SBSPON: variants seen among roughly 807,000 people sequenced by gnomAD.
The protein encoded by SBSPON is somatomedin B and thrombospondin type 1 domain containing.
A neutral mutation model predicts 35.8 loss-of-function variants in SBSPON; 30 were observed. The observed-to-expected ratio is 0.84, with a 90% CI of 0.63 to 1.14. SBSPON has a LOEUF of 1.14. Among genes scored for constraint, SBSPON ranks in the 50% most tolerant of loss-of-function variants. SBSPON has a pLI of 0.00. For synonymous variants in SBSPON, 136 were observed against 135.9 expected, an observed-to-expected ratio of 1.00 and a Z score of 0.00; for missense variants, 364 against 357.7, an observed-to-expected ratio of 1.02 and a Z score of -0.14.
Position 73,064,970 on chromosome 8 carries a change from G to A in SBSPON, c.*2371C>T, listed in dbSNP as rs1309759947. ...ACTAAGGTACTTATTAAAAAAGAGT[G>A]CCAAGAGGTCTTATATACTTTGATT... On this transcript the variant is annotated 3_prime_UTR_variant, in exon 5 of 5. Transcript: ENST00000297354. The A allele has an allele frequency of 6.6e-6, 1 of 152,130 alleles. No homozygotes were observed. Among genetic ancestry groups the A allele is most frequent in the Non-Finnish European group, 1.5e-5 (1 of 68,014 alleles). The allele number at this position is 152,130 out of a possible 1,614,324, so 9.4% of individuals were successfully genotyped here.
At chr8:73,070,847 AAT>A (rs1418311643) in intron 3 of SBSPON, among the ~76,000 whole-genome samples, 2 of 152,212 alleles carry the variant, frequency 1.3e-5, no homozygotes, top group Non-Finnish European at 2.9e-5. Context: ...TATGAGTTGC[AAT>A]ATGTTATAAA....
Position 73,081,056 on chromosome 8 carries a change from G to C in SBSPON, c.372C>G (p.Tyr124Ter). 3 of 1,611,498 alleles carry C rather than the reference G, an allele frequency of 1.9e-6. No individual in the cohort carries two copies. Among genetic ancestry groups the C allele is most frequent in the Non-Finnish European group, 2.5e-6 (3 of 1,178,748 alleles). ...CGCAGTCCTGGCCCTGCGGGGTGGA[G>C]TACTCCAGGCAGCCAGCTCTCTCTT... ...PLEERAGCLE[Y>*]STPQGQDCGH... is the part of the protein sequence containing the mutation. Residue 124 changes from tyrosine (Y) to a stop codon, truncating the protein, a stop_gained, in exon 2 of 5, where the codon TAC becomes TAG. Transcript: ENST00000297354. LOFTEE classifies it high-confidence loss of function.
At chr8:73,075,461 C>T (rs1038089467) in intron 2 of SBSPON, among the ~76,000 whole-genome samples, 6 of 152,214 alleles carry the variant, frequency 3.9e-5, no homozygotes, top group Admixed American at 2.0e-4. Context: ...TGCGGAAGCA[C>T]GTAACCCAGC....
At chr8:73,080,943 T>C (rs2130019294) in intron 2 of SBSPON, 76 bp downstream of exon 2, 1 of 1,336,146 alleles carries the variant, frequency 7.5e-7, no homozygotes, top group East Asian at 2.4e-5. Context: ...CTGCACAGCA[T>C]ATGGCCTTTT....
intron 2 of SBSPON, among the ~76,000 whole-genome samples, chr8:73,076,752 G>T (rs902448247): frequency 1.3e-5 from 2 of 151,856 alleles, no homozygotes; most frequent in African/African-American, 4.8e-5. Context: ...GAAAGGATGT[G>T]GGCAGCCTCT....
chr8:73,079,833 C>G (rs1291614767), intron 2 of SBSPON, among the ~76,000 whole-genome samples: 1 of 152,194 alleles, frequency 6.6e-6, no homozygotes, highest in Admixed American at 6.5e-5. Flanking sequence ...TCCACATCAA[C>G]TTTTCTCCAC....
Position 73,067,478 on chromosome 8 carries a change from G to GTGTT in SBSPON, c.678-24_678-21dup, listed in dbSNP as rs200483328. 162 of 1,432,582 alleles carry GTGTT rather than the reference G, an allele frequency of 1.1e-4. 2 individuals are homozygous for GTGTT. In the East Asian group the frequency reaches 3.7e-3, roughly 33 times the overall value. 88.7% of individuals were successfully genotyped at this position (1,432,582 alleles called of 1,614,324 possible). On this transcript the variant is annotated intron_variant, in intron 4 of 4. Transcript: ENST00000297354. ...TGATTTCTGAAACGATATTTCGAAAGTGTTAGTTACACTAAAAGCATACCG... is the reference window on the plus strand; with the variant it reads ...TGATTTCTGAAACGATATTTCGAAAGTGTTTGTTAGTTACACTAAAAGCATACCG...
At chr8:73,087,418 G>A (rs2130038644) in intron 1 of SBSPON, among the ~76,000 whole-genome samples, 1 of 152,326 alleles carries the variant, frequency 6.6e-6, no homozygotes, top group South Asian at 2.1e-4. Context: ...TGGAGGAAAT[G>A]TGAAGTGTTA....
In SBSPON at chr8:73,064,976, A is replaced by C. The variant is rs1017911673; in HGVS notation, c.*2365T>G. On this transcript the variant is annotated 3_prime_UTR_variant, in exon 5 of 5. Transcript: ENST00000297354. ...GTACTTATTAAAAAAGAGTGCCAAGAGGTCTTATATACTTTGATTTTTAAA... is the reference window on the plus strand; with the variant it reads ...GTACTTATTAAAAAAGAGTGCCAAGCGGTCTTATATACTTTGATTTTTAAA... The C allele has an allele frequency of 1.3e-5, 2 of 152,192 alleles. No individual in the cohort carries two copies. Among genetic ancestry groups the C allele is most frequent in the African/African-American group, 4.8e-5 (2 of 41,444 alleles). The allele number at this position is 152,192 out of a possible 1,614,324, so 9.4% of individuals were successfully genotyped here.
At chr8:73,092,199 G>A (rs1810948276) in intron 1 of SBSPON, among the ~76,000 whole-genome samples, 1 of 152,140 alleles carries the variant, frequency 6.6e-6, no homozygotes, top group Non-Finnish European at 1.5e-5. Context: ...ACATAATAGG[G>A]ACCTCGAGAT....
In SBSPON at chr8:73,064,827, T is replaced by A. The variant is rs1460213821; in HGVS notation, c.*2514A>T. 1 of 152,182 alleles carries A rather than the reference T, an allele frequency of 6.6e-6. No homozygotes were observed. Among genetic ancestry groups the A allele is most frequent in the Non-Finnish European group, 1.5e-5 (1 of 68,036 alleles). 9.4% of individuals were successfully genotyped at this position (152,182 alleles called of 1,614,324 possible). A position where few individuals can be genotyped will look rare whatever the true frequency, so the allele number is the denominator to read the frequency against. ...CCCTTGCTTCTTTTCCCTTCTTTCC[T>A]GGTGGCTGTATTTATTTTTGTTCGA... On this transcript the variant is annotated 3_prime_UTR_variant, in exon 5 of 5. Transcript: ENST00000297354.
rs1829338010 is a variant in SBSPON, at chr8:73,066,194, A to G, written c.*1147T>C. ...CTAAACTAAATATCTTGAATTTAAA[A>G]TTTACTTCACAAATGAAAGGGGCTT... is the stretch of plus-strand genomic sequence containing the variant. On this transcript the variant is annotated 3_prime_UTR_variant, in exon 5 of 5. Transcript: ENST00000297354. The G allele has an allele frequency of 1.3e-5, 2 of 152,180 alleles. No homozygotes were observed. The highest frequency in any genetic ancestry group is 1.3e-4 in the Admixed American group (2 of 15,274). The allele number at this position is 152,180 out of a possible 1,614,324, so 9.4% of individuals were successfully genotyped here. A position where few individuals can be genotyped will look rare whatever the true frequency, so the allele number is the denominator to read the frequency against.
At chr8:73,080,050 A>T (rs935897751) in intron 2 of SBSPON, among the ~76,000 whole-genome samples, 1 of 152,168 alleles carries the variant, frequency 6.6e-6, no homozygotes, top group Admixed American at 6.5e-5. Context: ...GCAGATCAAC[A>T]CATCAGCTTT....
rs1027144373 is a variant in SBSPON, at chr8:73,066,161, T to C, written c.*1180A>G. The C allele has an allele frequency of 2.0e-5, 3 of 152,180 alleles. No homozygotes were observed. The highest frequency in any genetic ancestry group is 4.8e-5 in the African/African-American group (2 of 41,448). The allele number at this position is 152,180 out of a possible 1,614,324, so 9.4% of individuals were successfully genotyped here. A position where few individuals can be genotyped will look rare whatever the true frequency, so the allele number is the denominator to read the frequency against. On this transcript the variant is annotated 3_prime_UTR_variant, in exon 5 of 5. Coordinates refer to ENST00000297354, the MANE Select transcript of SBSPON (RefSeq NM_153225.4). ...TCTCATGTAGTTTACATCTCAAGAC[T>C]CAATTCTCTAAACTAAATATCTTGA...
rs368699776 is a variant in SBSPON at position 73,069,882 on chromosome 8, C to T, written c.600G>A (p.Thr200=). The T allele has an allele frequency of 1.5e-5, 24 of 1,613,434 alleles. No homozygotes were observed. Among genetic ancestry groups the T allele is most frequent in the Non-Finnish European group, 1.9e-5 (22 of 1,179,488 alleles). Residue 200 remains threonine, a synonymous_variant, in exon 4 of 5, where the codon ACG becomes ACA. Transcript: ENST00000297354. ...CTGGAGGCTGACAATCCACACACAC[C>T]GTGTATCCCTCTCGGAGATACTGCA... The part of the protein sequence containing the change: ...RWMQYLREGY[T]VCVDCQPPAM...
intron 4 of SBSPON, among the ~76,000 whole-genome samples, chr8:73,067,793 C>T (rs982807753): frequency 1.4e-4 from 20 of 147,364 alleles, no homozygotes; most frequent in African/African-American, 3.0e-4. Context: ...CCTCCTGCCT[C>T]GGCCTCCTGG....
chr8:73,069,380 A>G (rs2129985698), intron 4 of SBSPON, among the ~76,000 whole-genome samples: 1 of 151,838 alleles, frequency 6.6e-6, no homozygotes, highest in Admixed American at 6.6e-5. Context: ...CGCCTCCTGG[A>G]CTCAAGTGAT....
In SBSPON at chr8:73,065,271, AAC is replaced by A. The variant is rs1285575427; in HGVS notation, c.*2068_*2069del. The A allele has an allele frequency of 4.3e-4, 66 of 152,318 alleles. No homozygotes were observed. The highest frequency in any genetic ancestry group is 1.4e-3 in the African/African-American group (59 of 41,570). 9.4% of individuals were successfully genotyped at this position (152,318 alleles called of 1,614,324 possible). A position where few individuals can be genotyped will look rare whatever the true frequency, so the allele number is the denominator to read the frequency against. Reference sequence around the variant, plus strand: ...ACACCTCAATTATGTTAAATGTTATAACACATATCGGAACTATAAAAGCACCA... The same window carrying A: ...ACACCTCAATTATGTTAAATGTTATAACATATCGGAACTATAAAAGCACCA... On this transcript the variant is annotated 3_prime_UTR_variant, in exon 5 of 5. Transcript: ENST00000297354.
At chr8:73,088,403 C>T (rs1191110984) in intron 1 of SBSPON, among the ~76,000 whole-genome samples, 1 of 152,136 alleles carries the variant, frequency 6.6e-6, no homozygotes, top group East Asian at 1.9e-4. Flanking sequence ...GAAAAGAGGG[C>T]CAGGCACCCT....
Sources: allele counts gnomAD v4.1 joint callset (sites outside exome capture counted in the v4.1 genomes callset), GRCh38; gene constraint gnomAD v4.1.1; transcripts MANE v1.5; gene names NCBI Gene and HGNC (gene_info 2026-07-23, HGNC 2026-07-21).